The following MYRIP variants were observed in gnomAD, a reference collection of about 807,000 sequenced individuals.
The protein encoded by MYRIP is rab effector MyRIP.
In MYRIP, 49 loss-of-function variants were observed where a neutral mutation model predicts 98.0. That is an observed-to-expected ratio of 0.50 (90% confidence interval 0.40 to 0.63). The LOEUF is 0.63. Among genes scored for constraint, MYRIP ranks in the 30% least tolerant of loss-of-function variants. The probability of loss-of-function intolerance (pLI) is 0.00; values close to 1 mark genes in which losing one functional copy is unlikely to be tolerated. For synonymous variants in MYRIP, 404 were observed against 409.5 expected (o/e 0.99, Z 0.16); for missense variants, 1,004 against 1,058.2 (o/e 0.95, Z 0.71).
chr3:39,841,698 T>G (rs1278964911), intron 1 of MYRIP, among the ~76,000 whole-genome samples: 2 of 152,194 alleles, frequency 1.3e-5, no homozygotes, highest in Non-Finnish European at 2.9e-5. Context: ...TAATTTTCCT[T>G]CTAATAGGCA....
intron 2 of MYRIP, among the ~76,000 whole-genome samples, chr3:39,968,591 C>G (rs1480685829): frequency 6.6e-6 from 1 of 152,104 alleles, no homozygotes. Context: ...AGTCTTTTCC[C>G]CATTGCTTAT....
chr3:40,037,994 G>T (rs908251880), intron 2 of MYRIP, among the ~76,000 whole-genome samples: 2 of 152,040 alleles, frequency 1.3e-5, no homozygotes, highest in Non-Finnish European at 2.9e-5. Context: ...TTAGCATCTT[G>T]TTATCAGTCG....
chr3:40,122,106 T>C (rs1447870946), intron 3 of MYRIP, among the ~76,000 whole-genome samples: 1 of 152,152 alleles, frequency 6.6e-6, no homozygotes, highest in Non-Finnish European at 1.5e-5. Context: ...ATTTTCAAAA[T>C]TTACTCTTTG....
At chr3:40,129,618 C>T (rs1029510240) in intron 3 of MYRIP, among the ~76,000 whole-genome samples, 8 of 152,054 alleles carry the variant, frequency 5.3e-5, no homozygotes, top group East Asian at 1.9e-4. Context: ...GCCATGCCCA[C>T]GCTGCTAGTC....
Position 40,044,231 on chromosome 3 carries a change from C to T in MYRIP, c.292C>T (p.His98Tyr), listed in dbSNP as rs199768420. 4.4e-5 allele frequency: 71 copies of T among 1,614,168 alleles called. No individual in the cohort carries two copies. The Admixed American group carries it at 1.1e-3, about 26-fold the overall frequency. ...VCKSCCSYQKHEKAWVCCVCQ... is the reference protein window; with the variant it reads ...VCKSCCSYQKYEKAWVCCVCQ... ...CAAGAGCTGCTGCTCCTACCAGAAG[C>T]ACGAAAAGGCCTGGGTCTGCTGCGT... is the stretch of plus-strand genomic sequence containing the variant. The change falls in exon 3 of 17, where the codon CAC becomes TAC. Residue 98 changes from histidine (H) to tyrosine (Y), a missense_variant. Physicochemically the swap from His to Tyr is moderately conservative, Grantham distance 83. Coordinates refer to ENST00000302541, the MANE Select transcript of MYRIP (RefSeq NM_015460.4).
At chr3:39,993,556 GT>G (rs1946232711) in intron 2 of MYRIP, among the ~76,000 whole-genome samples, 1 of 152,286 alleles carries the variant, frequency 6.6e-6, no homozygotes, top group East Asian at 1.9e-4. Flanking sequence ...ACAAGAGTCA[GT>G]GGGCCCTGAA....
intron 3 of MYRIP, among the ~76,000 whole-genome samples, chr3:40,111,800 G>A (rs1226158206): frequency 6.6e-6 from 1 of 152,196 alleles, no homozygotes; most frequent in Non-Finnish European, 1.5e-5. Flanking sequence ...AAGTAATTGA[G>A]TAATTACTGT....
intron 1 of MYRIP, among the ~76,000 whole-genome samples, chr3:39,872,701 T>C (rs1163859171): frequency 1.3e-4 from 19 of 151,992 alleles, no homozygotes; most frequent in Non-Finnish European, 2.8e-4. Flanking sequence ...TATTCCATGG[T>C]GTATATGTGC....
At chr3:40,122,604 C>T (rs910608559) in intron 3 of MYRIP, among the ~76,000 whole-genome samples, 1 of 151,678 alleles carries the variant, frequency 6.6e-6, no homozygotes, top group African/African-American at 2.4e-5. Context: ...ATTAAATTCA[C>T]ATTTAAATAT....
intron 1 of MYRIP, among the ~76,000 whole-genome samples, chr3:39,833,258 G>A (rs185035293): frequency 1.5e-4 from 23 of 152,286 alleles, no homozygotes; most frequent in Admixed American, 7.9e-4. Context: ...TTCTTTTATA[G>A]CATGTAATAT....
At chr3:39,978,528 T>A (rs2125755643) in intron 2 of MYRIP, among the ~76,000 whole-genome samples, 1 of 152,308 alleles carries the variant, frequency 6.6e-6, no homozygotes, top group East Asian at 1.9e-4. Context: ...TCTCACATTG[T>A]AAAAATAATT....
chr3:40,041,022 G>GGAAA (rs1553607831), intron 2 of MYRIP, among the ~76,000 whole-genome samples: 1 of 41,210 alleles, frequency 2.4e-5, no homozygotes, highest in Non-Finnish European at 4.7e-5. Context: ...ATTACCAGCA[G>GGAAA]AAAAAAAAAA....
At chr3:40,011,617 A>G (rs4309670) in intron 2 of MYRIP, among the ~76,000 whole-genome samples, 15,178 of 152,252 alleles carry the variant, frequency 0.1, 1,287 homozygotes, top group African/African-American at 0.22. Context: ...TTAAGCTCAC[A>G]CAAAGCACTA....
chr3:39,823,511 A>G (rs968758798), intron 1 of MYRIP, among the ~76,000 whole-genome samples: 3 of 152,114 alleles, frequency 2.0e-5, no homozygotes, highest in African/African-American at 7.2e-5. Context: ...CCTTGCCAGC[A>G]TTTGTTATTT....
At chr3:39,937,085 C>T (rs1263686090) in intron 2 of MYRIP, among the ~76,000 whole-genome samples, 2 of 152,178 alleles carry the variant, frequency 1.3e-5, no homozygotes, top group Non-Finnish European at 2.9e-5. Context: ...TACACTTGGT[C>T]ATCTTGCTCC....
At chr3:40,210,683 C>T (rs1422335055) in intron 11 of MYRIP, among the ~76,000 whole-genome samples, 1 of 152,144 alleles carries the variant, frequency 6.6e-6, no homozygotes, top group Non-Finnish European at 1.5e-5. Flanking sequence ...GTCTCAGGGT[C>T]CCCAAAGCCC....
intron 3 of MYRIP, among the ~76,000 whole-genome samples, chr3:40,147,928 A>G (rs1950042458): frequency 6.6e-6 from 1 of 152,186 alleles, no homozygotes; most frequent in Admixed American, 6.5e-5. Flanking sequence ...TAGAGTCCCA[A>G]GATCCTCTTT....
chr3:40,151,127 C>T lies in MYRIP; in HGVS notation c.412C>T (p.Leu138=). 2 of 1,611,362 alleles carry T rather than the reference C, an allele frequency of 1.2e-6. No homozygotes were observed. Among genetic ancestry groups the T allele is most frequent in the African/African-American group, 2.7e-5 (2 of 75,006 alleles). The stretch of plus-strand genomic sequence containing the variant: ...CAAGCGCTTTGGCAGTGCCAAGGTT[C>T]TGAAGAACCTGTACAGGAAGCACCG... ...RFKRFGSAKV[L]KNLYRKHRLE... The change falls in exon 4 of 17, where the codon CTG becomes TTG. Residue 138 remains leucine (L), a synonymous_variant. Transcript: ENST00000302541.
chr3:40,209,865 T>C lies in MYRIP; in HGVS notation c.1677T>C (p.Asp559=). 6.2e-7 allele frequency: 1 copy of C among 1,613,948 alleles called. No individual in the cohort carries two copies. The highest frequency in any genetic ancestry group is 2.2e-5 in the East Asian group (1 of 44,866). The change falls in exon 11 of 17, where the codon GAT becomes GAC. Residue 559 remains aspartate, a synonymous_variant. Coordinates refer to ENST00000302541, the MANE Select transcript of MYRIP (RefSeq NM_015460.4). The part of the protein sequence containing the change: ...RDLDTHQVSD[D]LSETDISNEA... Reference sequence around the variant, plus strand: ...TGGCTTTCATTTAGGTGTCGGATGATTTATCAGAGACAGACATCAGCAATG... The same window carrying C: ...TGGCTTTCATTTAGGTGTCGGATGACTTATCAGAGACAGACATCAGCAATG...
Sources: allele counts gnomAD v4.1 joint callset (sites outside exome capture counted in the v4.1 genomes callset), GRCh38; gene constraint gnomAD v4.1.1; transcripts MANE v1.5; gene names NCBI Gene and HGNC (gene_info 2026-07-23, HGNC 2026-07-21).